Variants in EPB41L4A observed in about 807,000 individuals in gnomAD.
EPB41L4A encodes the protein band 4.1-like protein 4A.
A neutral mutation model predicts 108.6 loss-of-function variants in EPB41L4A; 100 were observed. That is an observed-to-expected ratio of 0.92 (90% CI 0.78 to 1.09). EPB41L4A has a LOEUF of 1.09. Ranked by LOEUF, EPB41L4A falls within the 50% of genes least tolerant of loss-of-function variation. EPB41L4A has a pLI of 0.00. For synonymous variants in EPB41L4A, 319 were observed against 289.0 expected (o/e 1.10, Z -1.05); for missense variants, 1,030 against 842.7 (o/e 1.22, Z -2.75).
intron 1 of EPB41L4A, among the ~76,000 whole-genome samples, chr5:112,340,005 G>C (rs566887804): frequency 6.6e-6 from 1 of 152,138 alleles, no homozygotes. Flanking sequence ...GTTAATAAGA[G>C]AAAGTTGGAA....
chr5:112,364,050 C>T (rs576584920), intron 1 of EPB41L4A, among the ~76,000 whole-genome samples: 16 of 152,162 alleles, frequency 1.1e-4, no homozygotes, highest in Non-Finnish European at 2.1e-4. Flanking sequence ...TATTTTTAGA[C>T]GGAGTCTCGC....
At chr5:112,211,884 T>C (rs1022002863) in intron 12 of EPB41L4A, among the ~76,000 whole-genome samples, 2 of 152,182 alleles carry the variant, frequency 1.3e-5, no homozygotes, top group Non-Finnish European at 2.9e-5. Flanking sequence ...TTTTGGAATC[T>C]TGAAATGAAA....
At chr5:112,145,030 T>C (rs1401027946) in intron 13 of EPB41L4A, among the ~76,000 whole-genome samples, 1 of 152,200 alleles carries the variant, frequency 6.6e-6, no homozygotes, top group Non-Finnish European at 1.5e-5. Flanking sequence ...TGACTCATGC[T>C]TGTAATCCCG....
At chr5:112,290,910 T>C (rs1226849826) in intron 2 of EPB41L4A, among the ~76,000 whole-genome samples, 3 of 152,148 alleles carry the variant, frequency 2.0e-5, no homozygotes, top group African/African-American at 4.8e-5. Context: ...ACAATTCACA[T>C]GGTTAGCACA....
At chr5:112,169,807 C>CA (rs1300177095) in intron 20 of EPB41L4A, among the ~76,000 whole-genome samples, 2 of 152,140 alleles carry the variant, frequency 1.3e-5, no homozygotes, top group Non-Finnish European at 2.9e-5. Context: ...AGCAGGCACT[C>CA]ACTTTCTCTT....
intron 12 of EPB41L4A, among the ~76,000 whole-genome samples, chr5:112,211,904 T>C (rs967312803): frequency 3.9e-5 from 6 of 152,200 alleles, no homozygotes; most frequent in African/African-American, 1.2e-4. Context: ...AAGGTGAGCC[T>C]GAAGACACCT....
chr5:112,419,378 G>C, upstream of EPB41L4A: 1 of 358,324 alleles, frequency 2.8e-6, no homozygotes, highest in South Asian at 2.2e-5. Context: ...GACGACAAAA[G>C]TCTCCTGGCA....
chr5:112,321,377 A>C (rs1047474948), intron 1 of EPB41L4A, among the ~76,000 whole-genome samples: 2 of 152,220 alleles, frequency 1.3e-5, no homozygotes, highest in African/African-American at 4.8e-5. Flanking sequence ...TCCTTAAGAC[A>C]TTTCATAATC....
intron 1 of EPB41L4A, among the ~76,000 whole-genome samples, chr5:112,323,565 C>T (rs1755949614): frequency 6.6e-6 from 1 of 152,114 alleles, no homozygotes; most frequent in African/African-American, 2.4e-5. Flanking sequence ...AAGTAAATAC[C>T]CTCTACTCAG....
chr5:112,339,768 T>G (rs1197245862), intron 1 of EPB41L4A, among the ~76,000 whole-genome samples: 2 of 151,930 alleles, frequency 1.3e-5, no homozygotes, highest in African/African-American at 2.4e-5. Flanking sequence ...ACTCCTGACC[T>G]CAAGTAATCC....
chr5:112,159,756 C>A (rs1759781879), downstream of EPB41L4A, among the ~76,000 whole-genome samples: 1 of 152,072 alleles, frequency 6.6e-6, no homozygotes, highest in Admixed American at 6.5e-5. Context: ...CGGAAATGTG[C>A]TGGAAGTATA....
intron 17 of EPB41L4A, among the ~76,000 whole-genome samples, chr5:112,192,663 T>A (rs2150257268): frequency 6.6e-6 from 1 of 152,354 alleles, no homozygotes; most frequent in Admixed American, 6.5e-5. Flanking sequence ...ACAAGAAATA[T>A]TAAAGCCAGT....
Position 112,169,042 on chromosome 5 carries a change from G to C in EPB41L4A, c.1803C>G (p.Arg601=). 6.2e-7 allele frequency: 1 copy of C among 1,614,128 alleles called. No homozygotes were observed. The highest frequency in any genetic ancestry group is 8.5e-7 in the Non-Finnish European group (1 of 1,180,000). The change falls in exon 21 of 23, where the codon CGC becomes CGG. Residue 601 remains arginine (R), a synonymous_variant. Coordinates refer to ENST00000261486, the MANE Select transcript of EPB41L4A (RefSeq NM_022140.5). ...GCTCCCCATCTGAACACTGGGACCT[G>C]CGATACTGGCGGTAACTTCGTGGCG... The part of the protein sequence containing the change: ...SHSPRSYRQY[R]RSQCSDGERS...
At chr5:112,226,560 A>T (rs2150347697) in intron 12 of EPB41L4A, among the ~76,000 whole-genome samples, 1 of 152,334 alleles carries the variant, frequency 6.6e-6, no homozygotes, top group East Asian at 1.9e-4. Flanking sequence ...AAATTATCAC[A>T]CAATGTCATC....
intron 15 of EPB41L4A, among the ~76,000 whole-genome samples, chr5:112,197,315 T>C (rs879541885): frequency 1.3e-5 from 2 of 152,186 alleles, no homozygotes; most frequent in Non-Finnish European, 2.9e-5. Flanking sequence ...CAATCTGTAA[T>C]CTAGCACCTT....
intron 13 of EPB41L4A, among the ~76,000 whole-genome samples, chr5:112,206,639 G>C (rs1762487035): frequency 1.3e-5 from 2 of 152,154 alleles, no homozygotes; most frequent in Admixed American, 6.5e-5. Context: ...AAAGAGAAGG[G>C]AGAAGGGAGA....
chr5:112,302,894 A>G (rs376332034), intron 2 of EPB41L4A, among the ~76,000 whole-genome samples: 3 of 152,258 alleles, frequency 2.0e-5, no homozygotes, highest in African/African-American at 7.2e-5. Flanking sequence ...TGGACTCTTG[A>G]AAAGCCACCT....
chr5:112,238,463 G>A (rs1006087708), intron 11 of EPB41L4A, among the ~76,000 whole-genome samples: 13 of 152,084 alleles, frequency 8.5e-5, no homozygotes, highest in Admixed American at 2.6e-4. Context: ...TGCACTGAAC[G>A]TTTAATATTC....
At chr5:112,346,215 CATTTTTTTTTTTT>C (rs1215196611) in intron 1 of EPB41L4A, among the ~76,000 whole-genome samples, 1 of 49,068 alleles carries the variant, frequency 2.0e-5, no homozygotes, top group African/African-American at 4.5e-5. Flanking sequence ...AGGTACATTG[CATTTTTTTTTTTT>C]TTTTTTTTTT....
Sources: allele counts gnomAD v4.1 joint callset (sites outside exome capture counted in the v4.1 genomes callset), GRCh38; gene constraint gnomAD v4.1.1; transcripts MANE v1.5; gene names NCBI Gene and HGNC (gene_info 2026-07-23, HGNC 2026-07-21).